PPP3CA: variants seen among roughly 807,000 people sequenced by gnomAD.
PPP3CA encodes the protein protein phosphatase 3 catalytic subunit alpha, also known as CAM-PRP catalytic subunit.
A neutral mutation model predicts 66.5 loss-of-function variants in PPP3CA; 14 were observed. The observed-to-expected ratio is 0.21, with a 90% CI of 0.14 to 0.33. The LOEUF is 0.33. Among genes scored for constraint, PPP3CA ranks in the 10% least tolerant of loss-of-function variants. PPP3CA has a pLI of 1.00. For missense variants in PPP3CA, 317 were observed against 639.5 expected (o/e 0.50, Z 5.44); for synonymous variants, 232 against 226.2 (o/e 1.03, Z -0.23).
chr4:101,076,841 G>A (rs916125699), intron 8 of PPP3CA, among the ~76,000 whole-genome samples: 1 of 152,230 alleles, frequency 6.6e-6, no homozygotes, highest in Non-Finnish European at 1.5e-5. Context: ...TAATGATAAT[G>A]TCTTAATACT....
intron 1 of PPP3CA, among the ~76,000 whole-genome samples, chr4:101,340,827 G>T (rs1330764484): frequency 6.6e-6 from 1 of 152,106 alleles, no homozygotes; most frequent in Non-Finnish European, 1.5e-5. Flanking sequence ...CAAATCTGAA[G>T]ATTTTGTTTG....
chr4:101,212,051 T>C (rs1725314315), intron 1 of PPP3CA, among the ~76,000 whole-genome samples: 1 of 152,188 alleles, frequency 6.6e-6, no homozygotes, highest in South Asian at 2.1e-4. Flanking sequence ...GCAATACTGG[T>C]GTGAAGTATG....
intron 2 of PPP3CA, among the ~76,000 whole-genome samples, chr4:101,125,583 A>G (rs1330464649): frequency 6.6e-6 from 1 of 152,184 alleles, no homozygotes; most frequent in African/African-American, 2.4e-5. Context: ...TATCAAAAGA[A>G]AAGGGATTGG....
chr4:101,296,888 C>T (rs1184398664), intron 1 of PPP3CA, among the ~76,000 whole-genome samples: 1 of 152,146 alleles, frequency 6.6e-6, no homozygotes, highest in African/African-American at 2.4e-5. Flanking sequence ...GTGGCCCCTT[C>T]TATAACACCA....
At chr4:101,244,280 C>CTT (rs1168358324) in intron 1 of PPP3CA, among the ~76,000 whole-genome samples, 2 of 152,138 alleles carry the variant, frequency 1.3e-5, no homozygotes, top group Non-Finnish European at 2.9e-5. Flanking sequence ...CTACCAATGC[C>CTT]TACTCTTTAC....
Position 101,232,701 on chromosome 4 carries a change from T to C in PPP3CA, c.59-36585A>G, listed in dbSNP as rs142846681. 1.4e-3 allele frequency among the ~76,000 whole-genome samples: 213 copies of C among 151,834 alleles called. 1 individual carries two copies. The highest frequency in any genetic ancestry group is 5.1e-3 in the African/African-American group (210 of 41,472). On this transcript the variant is annotated intron_variant, in intron 1 of 13. Transcript: ENST00000394854. ...ATCAGCTTTGTAGAAAAAAGGAATATCTCTTTGCATTTCCATTTCTATATA... is the reference window on the plus strand; with the variant it reads ...ATCAGCTTTGTAGAAAAAAGGAATACCTCTTTGCATTTCCATTTCTATATA...
In PPP3CA at chr4:101,290,663, CA is replaced by C. The variant is rs1413172619; in HGVS notation, c.58+56075del. Among the ~76,000 whole-genome samples the C allele has an allele frequency of 2.0e-5, 3 of 152,040 alleles. No homozygotes were observed. In the East Asian group the frequency reaches 5.8e-4, roughly 29 times the overall value. On this transcript the variant is annotated intron_variant, in intron 1 of 13. Transcript: ENST00000394854. ...ACAAGGAGAGACAGACAACCCAGTA[CA>C]AGAGTCAAATAGTATGTTAGAAGGC...
At chr4:101,124,725 G>GAAAGAAAGAAAGAGAA (rs1412415941) in intron 2 of PPP3CA, among the ~76,000 whole-genome samples, 5 of 58,830 alleles carry the variant, frequency 8.5e-5, no homozygotes, top group Admixed American at 3.5e-4. Context: ...AAGAAAGAAA[G>GAAAGAAAGAAAGAGAA]AGAAAGAAAG....
At chr4:101,141,024 G>T (rs1722791411) in intron 2 of PPP3CA, among the ~76,000 whole-genome samples, 1 of 152,120 alleles carries the variant, frequency 6.6e-6, no homozygotes, top group South Asian at 2.1e-4. Flanking sequence ...AAACATAATG[G>T]AGACAGAAAT....
intron 2 of PPP3CA, among the ~76,000 whole-genome samples, chr4:101,142,188 C>T (rs762336320): frequency 2.6e-5 from 4 of 152,092 alleles, no homozygotes; most frequent in Non-Finnish European, 5.9e-5. Context: ...GTAGACTTTG[C>T]CTTCCTGAAT....
intron 6 of PPP3CA, among the ~76,000 whole-genome samples, chr4:101,084,284 T>C (rs1578430561): frequency 6.6e-6 from 1 of 152,180 alleles, no homozygotes. Flanking sequence ...AAAGAAAAGA[T>C]AGTTTCTGTG....
chr4:101,061,763 T>C (rs184015486), intron 9 of PPP3CA, among the ~76,000 whole-genome samples: 4 of 152,206 alleles, frequency 2.6e-5, no homozygotes, highest in Non-Finnish European at 5.9e-5. Context: ...AGAAATTTAC[T>C]TAATAGATTA....
chr4:101,271,392 T>C (rs2110266487), intron 1 of PPP3CA, among the ~76,000 whole-genome samples: 1 of 152,108 alleles, frequency 6.6e-6, no homozygotes, highest in Middle Eastern at 3.4e-3. Flanking sequence ...ATACCACCAG[T>C]TACAAGCAGA....
chr4:101,191,867 C>A (rs2659509), intron 2 of PPP3CA, among the ~76,000 whole-genome samples: 37,463 of 152,090 alleles, frequency 0.25, 7,182 homozygotes, highest in African/African-American at 0.52. Flanking sequence ...TGGCAGGCCC[C>A]GGCACTGAGG....
chr4:101,187,006 A>C (rs753256002), intron 2 of PPP3CA, among the ~76,000 whole-genome samples: 5 of 152,154 alleles, frequency 3.3e-5, no homozygotes, highest in Non-Finnish European at 5.9e-5. Context: ...GCATGACACT[A>C]ACACCACTGA....
chr4:101,045,323 G>A (rs1727713263), intron 10 of PPP3CA, among the ~76,000 whole-genome samples: 1 of 152,216 alleles, frequency 6.6e-6, no homozygotes, highest in Non-Finnish European at 1.5e-5. Flanking sequence ...CTGGTAAGAG[G>A]ATATTGAGTG....
intron 2 of PPP3CA, among the ~76,000 whole-genome samples, chr4:101,147,957 G>A (rs937795784): frequency 2.6e-5 from 4 of 152,122 alleles, no homozygotes; most frequent in Non-Finnish European, 5.9e-5. Context: ...TAAGATCCAC[G>A]TCTCTGTCCA....
At chr4:101,027,250 T>G (rs1346996603) in intron 13 of PPP3CA, among the ~76,000 whole-genome samples, 1 of 144,068 alleles carries the variant, frequency 6.9e-6, no homozygotes, top group African/African-American at 2.6e-5. Context: ...CCTCCCAACC[T>G]TATTTGGGGG....
chr4:101,275,971 T>C (rs28723066), intron 1 of PPP3CA, among the ~76,000 whole-genome samples: 6,288 of 151,636 alleles, frequency 0.041, 419 homozygotes, highest in African/African-American at 0.14. Flanking sequence ...CATAGTTCAC[T>C]GCAGCCTAGA....
Sources: allele counts gnomAD v4.1 joint callset (sites outside exome capture counted in the v4.1 genomes callset), GRCh38; gene constraint gnomAD v4.1.1; transcripts MANE v1.5; gene names NCBI Gene and HGNC (gene_info 2026-07-23, HGNC 2026-07-21).